Variants in FTO observed in about 807,000 individuals in gnomAD.
The protein encoded by FTO is FTO alpha-ketoglutarate dependent dioxygenase.
Under a neutral mutation model 63.9 loss-of-function variants are expected in FTO, and 47 were observed. The ratio of observed to expected loss-of-function variants is 0.74; its 90% CI spans 0.58 to 0.94. FTO has a LOEUF of 0.94. Ranked by LOEUF, FTO falls within the 40% of genes least tolerant of loss-of-function variation. The pLI is 0.00. For missense variants in FTO, 562 were observed against 618.1 expected (o/e 0.91, Z 0.96); for synonymous variants, 207 against 224.4 (o/e 0.92, Z 0.69).
At chr16:53,979,792 A>C (rs2083502679) in intron 8 of FTO, among the ~76,000 whole-genome samples, 2 of 152,196 alleles carry the variant, frequency 1.3e-5, no homozygotes, top group Middle Eastern at 6.8e-3. Flanking sequence ...TGCCTTCCTA[A>C]ATTACAGTCT....
intron 1 of FTO, among the ~76,000 whole-genome samples, chr16:53,809,255 A>G (rs1181085162): frequency 6.6e-6 from 1 of 152,224 alleles, no homozygotes; most frequent in Non-Finnish European, 1.5e-5. Context: ...GAAGAAACAA[A>G]GATGTTTAAC....
At chr16:53,789,001 A>G (rs2077825044) in intron 1 of FTO, among the ~76,000 whole-genome samples, 1 of 152,216 alleles carries the variant, frequency 6.6e-6, no homozygotes, top group African/African-American at 2.4e-5. Flanking sequence ...ATTCTGTTAT[A>G]GTCATGCACC....
At chr16:53,704,257 T>G in intron 1 of FTO, 28 bp downstream of exon 1, 1 of 1,550,474 alleles carries the variant, frequency 6.4e-7, no homozygotes, top group Non-Finnish European at 8.7e-7. Context: ...GGCCTGGAGA[T>G]CTTCGTGCGC....
chr16:54,068,001 A>G (rs1490669647), intron 8 of FTO, among the ~76,000 whole-genome samples: 1 of 151,658 alleles, frequency 6.6e-6, no homozygotes, highest in Non-Finnish European at 1.5e-5. Flanking sequence ...TCCTCCAGAT[A>G]TAACTGGGGC....
At chr16:54,058,725 T>C (rs1427842787) in intron 8 of FTO, among the ~76,000 whole-genome samples, 1 of 152,104 alleles carries the variant, frequency 6.6e-6, no homozygotes, top group Non-Finnish European at 1.5e-5. Context: ...ACTTGGCTTT[T>C]CCCCCCACCT....
In FTO at chr16:53,768,142, A is replaced by G. The variant is rs914376927; in HGVS notation, c.46-41998A>G. On this transcript the variant is annotated intron_variant, in intron 1 of 8. Transcript: ENST00000471389. ...TAGTGACTGATTGATGTCTCCAAAC[A>G]TTTGGGATTTCCTTCCACATTTGCC... 6.6e-5 allele frequency among the ~76,000 whole-genome samples: 10 copies of G among 152,296 alleles called. No individual in the cohort carries two copies. The East Asian group carries it at 1.9e-3, about 29-fold the overall frequency.
chr16:53,729,294 C>T (rs576105701), intron 1 of FTO, among the ~76,000 whole-genome samples: 4 of 151,642 alleles, frequency 2.6e-5, no homozygotes, highest in South Asian at 2.1e-4. Flanking sequence ...TTTGGGAGGC[C>T]GAGGTGGGCA....
intron 1 of FTO, among the ~76,000 whole-genome samples, chr16:53,772,805 GTTACA>G (rs1227280223): frequency 6.6e-6 from 1 of 152,088 alleles, no homozygotes; most frequent in Non-Finnish European, 1.5e-5. Context: ...AACTACTCAG[GTTACA>G]TGGTCTTTTA....
chr16:53,784,551 T>C (rs1439135745), intron 1 of FTO, among the ~76,000 whole-genome samples: 1 of 152,132 alleles, frequency 6.6e-6, no homozygotes, highest in East Asian at 1.9e-4. Context: ...TGTCAAGGTG[T>C]TGGCAGGGAG....
At chr16:53,730,948 T>G (rs963172362) in intron 1 of FTO, among the ~76,000 whole-genome samples, 1 of 152,192 alleles carries the variant, frequency 6.6e-6, no homozygotes, top group Non-Finnish European at 1.5e-5. Flanking sequence ...GGTTTAAACA[T>G]TTGTATGTGC....
chr16:53,874,807 G>T (rs542533668), intron 5 of FTO, among the ~76,000 whole-genome samples: 1 of 152,258 alleles, frequency 6.6e-6, no homozygotes, highest in South Asian at 2.1e-4. Flanking sequence ...AGCCCATCCA[G>T]CACCTCTTTC....
At chr16:53,779,546 G>A (rs1168182920) in intron 1 of FTO, among the ~76,000 whole-genome samples, 1 of 152,048 alleles carries the variant, frequency 6.6e-6, no homozygotes, top group African/African-American at 2.4e-5. Flanking sequence ...AAACTTCTAC[G>A]GGCTTCCTTG....
At chr16:53,847,835 T>C (rs2079675416) in intron 4 of FTO, among the ~76,000 whole-genome samples, 1 of 152,086 alleles carries the variant, frequency 6.6e-6, no homozygotes, top group Non-Finnish European at 1.5e-5. Flanking sequence ...TGGATTTTGG[T>C]GTTATAATGA....
chr16:54,056,607 G>A (rs966737261), intron 8 of FTO, among the ~76,000 whole-genome samples: 26 of 152,318 alleles, frequency 1.7e-4, no homozygotes, highest in Middle Eastern at 3.4e-3. Context: ...GTTCTACATT[G>A]TGAGCAACCC....
At chr16:53,966,424 C>G (rs1198670130) in intron 8 of FTO, among the ~76,000 whole-genome samples, 3 of 152,186 alleles carry the variant, frequency 2.0e-5, no homozygotes, top group Non-Finnish European at 1.5e-5. Context: ...GGCATCCCCA[C>G]AATCACAATC....
intron 8 of FTO, among the ~76,000 whole-genome samples, chr16:54,102,274 A>G (rs1430900515): frequency 6.6e-6 from 1 of 152,214 alleles, no homozygotes; most frequent in East Asian, 1.9e-4. Context: ...CACCAAAAGC[A>G]ATCATAACAA....
intron 8 of FTO, chr16:54,061,731 T>A (rs1405738121): frequency 6.6e-6 from 1 of 152,246 alleles, no homozygotes; most frequent in Non-Finnish European, 1.5e-5. Context: ...GTGAGTACAG[T>A]GTCTTGTTGA....
chr16:53,741,088 A>C (rs959957427), intron 1 of FTO, among the ~76,000 whole-genome samples: 2 of 152,232 alleles, frequency 1.3e-5, no homozygotes, highest in East Asian at 3.8e-4. Flanking sequence ...TTGATATGAA[A>C]TTTAAAATTG....
At chr16:53,847,552 G>A (rs1369357778) in intron 4 of FTO, among the ~76,000 whole-genome samples, 4 of 152,134 alleles carry the variant, frequency 2.6e-5, no homozygotes, top group African/African-American at 9.7e-5. Context: ...CGGATCACCT[G>A]AGGTCAAGAG....
Sources: allele counts gnomAD v4.1 joint callset (sites outside exome capture counted in the v4.1 genomes callset), GRCh38; gene constraint gnomAD v4.1.1; transcripts MANE v1.5; gene names NCBI Gene and HGNC (gene_info 2026-07-23, HGNC 2026-07-21).